Variants in PLEKHM1 observed in about 807,000 individuals in gnomAD.
The protein encoded by PLEKHM1 is pleckstrin homology and RUN domain containing M1.
A neutral mutation model predicts 94.3 loss-of-function variants in PLEKHM1; 28 were observed. The observed-to-expected ratio is 0.30, with a 90% CI of 0.22 to 0.41. The LOEUF (loss-of-function observed/expected upper bound fraction) is 0.41, where lower values mean the gene tolerates loss of function less well. Among genes scored for constraint, PLEKHM1 ranks in the 10% least tolerant of loss-of-function variants. The pLI is 1.00. For synonymous variants in PLEKHM1, 424 were observed against 581.2 expected, an observed-to-expected ratio of 0.73 and a Z score of 3.89; for missense variants, 907 against 1,358.6, an observed-to-expected ratio of 0.67 and a Z score of 5.22.
chr17:45,439,276 C>G (rs1459638454), intron 11 of PLEKHM1, among the ~76,000 whole-genome samples: 1 of 152,234 alleles, frequency 6.6e-6, no homozygotes, highest in Non-Finnish European at 1.5e-5. Context: ...TGTCTTGTCC[C>G]CTGAGCTGGA....
At chr17:45,466,229 A>C (rs1232641926) in intron 5 of PLEKHM1, among the ~76,000 whole-genome samples, 2 of 152,212 alleles carry the variant, frequency 1.3e-5, no homozygotes, top group Non-Finnish European at 2.9e-5. Flanking sequence ...TTGACTTCTA[A>C]CACCACACAC....
Position 45,477,916 on chromosome 17 carries a change from T to C in PLEKHM1, c.280A>G (p.Lys94Glu). The change falls in exon 3 of 12, where the codon AAA becomes GAA. Residue 94 changes from lysine (K) to glutamate (E), a missense_variant. By Grantham distance (56) the Lys-to-Glu change is moderately conservative (BLOSUM62 1). Transcript: ENST00000430334. ...LPQPVFWPLL[K>E]AVTHKHIISE... ...AAATCTCACTTGTGGGTGACAGCTT[T>C]CAGGAGGGGCCAGAAGACAGGCTGG... is the stretch of plus-strand genomic sequence containing the variant. 6.2e-7 allele frequency: 1 copy of C among 1,614,022 alleles called. No individual in the cohort carries two copies. The highest frequency in any genetic ancestry group is 8.5e-7 in the Non-Finnish European group (1 of 1,179,984).
At position 45,453,985 on chromosome 17, in the gene PLEKHM1, C is replaced by A; in HGVS notation, c.1867G>T (p.Ala623Ser). The A allele has an allele frequency of 6.2e-7, 1 of 1,613,974 alleles. No individual in the cohort carries two copies. The highest frequency in any genetic ancestry group is 8.5e-7 in the Non-Finnish European group (1 of 1,179,882). ...AEDWLDRVREALQKVRPQQED... is the reference protein window; with the variant it reads ...AEDWLDRVRESLQKVRPQQED... ...TGCTGAGGCCGGACCTTCTGCAGGG[C>A]CTCCCGCACCCGGTCCAGCCAGTCC... The change falls in exon 7 of 12, where the codon GCC (alanine) becomes TCC (serine). Residue 623 changes from alanine to serine, a missense_variant. Ala to Ser is a moderately conservative substitution (Grantham distance 99, BLOSUM62 1). Coordinates refer to ENST00000430334, the MANE Select transcript of PLEKHM1 (RefSeq NM_014798.3). This position sits in a 1 kb window ranked among gnomAD's most constrained non-coding sequence, Gnocchi z 4.1.
At chr17:45,473,647 C>T (rs1165872813) in intron 4 of PLEKHM1, among the ~76,000 whole-genome samples, 5 of 151,992 alleles carry the variant, frequency 3.3e-5, no homozygotes, top group Non-Finnish European at 5.9e-5. Flanking sequence ...CAAGCTCCGC[C>T]TCCTGGGTCC....
chr17:45,441,204 C>G (rs2050436246), intron 9 of PLEKHM1: 1 of 152,210 alleles, frequency 6.6e-6, no homozygotes, highest in Non-Finnish European at 1.5e-5. Flanking sequence ...TGCTTGGGAA[C>G]CTGCCCCAGG....
At position 45,468,536 on chromosome 17, in the gene PLEKHM1, G is replaced by C; in HGVS notation, c.981C>G (p.Ser327Arg). The C allele has an allele frequency of 6.2e-7, 1 of 1,614,186 alleles. No homozygotes were observed. Among genetic ancestry groups the C allele is most frequent in the Non-Finnish European group, 8.5e-7 (1 of 1,180,020 alleles). The change falls in exon 5 of 12, where the codon AGC (serine) becomes AGG (arginine). Residue 327 changes from serine (S) to arginine (R), a missense_variant. Physicochemically the swap from Ser to Arg is moderately radical, Grantham distance 110 (BLOSUM62 -1). This residue lies in a region of PLEKHM1 where 477 missense variants were observed against 601.5 expected (regional missense o/e 0.79). Coordinates refer to ENST00000430334, the MANE Select transcript of PLEKHM1 (RefSeq NM_014798.3). ...QVNSVPTNGL[S>R]QETEIPTPQA... ...GTGGTGTGGGGATCTCTGTTTCTTGGCTCAGTCCGTTGGTTGGCACAGAGT... is the reference window on the plus strand; with the variant it reads ...GTGGTGTGGGGATCTCTGTTTCTTGCCTCAGTCCGTTGGTTGGCACAGAGT...
downstream of PLEKHM1, among the ~76,000 whole-genome samples, chr17:45,434,836 A>G (rs1434085648): frequency 6.6e-6 from 1 of 151,744 alleles, no homozygotes. Flanking sequence ...CAGAGAGAAG[A>G]GGAAAAGGGG....
rs1315848442 is a variant in PLEKHM1 at position 45,435,998 on chromosome 17, G to A, written c.*1860C>T. The A allele has an allele frequency of 2.2e-6, 1 of 456,682 alleles. No individual in the cohort carries two copies. Among genetic ancestry groups the A allele is most frequent in the Non-Finnish European group, 4.4e-6 (1 of 226,980 alleles). 28.3% of individuals were successfully genotyped at this position (456,682 alleles called of 1,614,324 possible). On this transcript the variant is annotated 3_prime_UTR_variant, in exon 12 of 12. Transcript: ENST00000430334. ...AAAGACTCCTCAGGGCCAGAGCCCTGCTCACTAGGAACAGTGTATTGCATA... is the reference window on the plus strand; with the variant it reads ...AAAGACTCCTCAGGGCCAGAGCCCTACTCACTAGGAACAGTGTATTGCATA...
chr17:45,487,251 C>T (rs1263127299), intron 1 of PLEKHM1, among the ~76,000 whole-genome samples: 1 of 152,146 alleles, frequency 6.6e-6, no homozygotes, highest in Non-Finnish European at 1.5e-5. Context: ...CCCTCTCTAA[C>T]CTCATTTAAT....
chr17:45,468,085 C>T, intron 5 of PLEKHM1, 124 bp downstream of exon 5: 5 of 1,037,636 alleles, frequency 4.8e-6, no homozygotes, highest in Non-Finnish European at 1.5e-6. Context: ...TTAACACTAT[C>T]ACTATGCAGG....
rs769001956 is a variant in PLEKHM1, at chr17:45,490,693, G to C, written c.-83C>G. ...CGAGGCGAGGGGCGCTCCCGGCCGC[G>C]GCAGCCCCTCAGCCTCCGAGCCGAC... On this transcript the variant is annotated 5_prime_UTR_variant, in exon 1 of 12. Coordinates refer to ENST00000430334, the MANE Select transcript of PLEKHM1 (RefSeq NM_014798.3). 219 of 450,592 alleles carry C rather than the reference G, an allele frequency of 4.9e-4. No homozygotes were observed. Among genetic ancestry groups the C allele is most frequent in the Non-Finnish European group, 8.1e-4 (183 of 224,698 alleles). 27.9% of individuals were successfully genotyped at this position (450,592 alleles called of 1,614,324 possible). A position where few individuals can be genotyped will look rare whatever the true frequency, so the allele number is the denominator to read the frequency against.
At chr17:45,456,999 G>A (rs2050971232) in intron 6 of PLEKHM1, among the ~76,000 whole-genome samples, 1 of 151,838 alleles carries the variant, frequency 6.6e-6, no homozygotes, top group African/African-American at 2.4e-5. Flanking sequence ...TGGCCAACAT[G>A]GCAAAATCCT....
rs754982329 is a variant in PLEKHM1 at position 45,444,648 on chromosome 17, T to C, written c.2837+822A>G. On this transcript the variant is annotated intron_variant, in intron 9 of 11. Transcript: ENST00000430334. The surrounding 1 kb of genome is among the most constrained non-coding windows in gnomAD (Gnocchi z 5.0). ...TCCTCACTGTAGCCAAAGTTCTCCC[T>C]GGGCTTTCCACCAACGGTGCCTTCG... 6.6e-6 allele frequency among the ~76,000 whole-genome samples: 1 copy of C among 152,338 alleles called. No homozygotes were observed. The highest frequency in any genetic ancestry group is 2.1e-4 in the South Asian group (1 of 4,828).
intron 8 of PLEKHM1, among the ~76,000 whole-genome samples, chr17:45,446,751 A>G (rs1271888136): frequency 1.3e-5 from 2 of 152,264 alleles, no homozygotes; most frequent in Non-Finnish European, 2.9e-5. Context: ...TGTCGTATCC[A>G]GCAACCTTTT....
intron 8 of PLEKHM1, 47 bp downstream of exon 8, chr17:45,450,571 A>G: frequency 6.2e-7 from 1 of 1,608,146 alleles, no homozygotes; most frequent in South Asian, 1.1e-5. Context: ...AGAGGAGTGA[A>G]CACCCCTCTG....
Position 45,440,327 on chromosome 17 carries a change from A to AC in PLEKHM1, c.2838-102dup, listed in dbSNP as rs554496049. On this transcript the variant is annotated intron_variant, in intron 9 of 11. Transcript: ENST00000430334. Reference sequence around the variant, plus strand: ...CCCTGGCGCTGCTCACCAGGCAGACACCCCCCGCCTGGGCGGGGCAGGGGC... The same window carrying AC: ...CCCTGGCGCTGCTCACCAGGCAGACACCCCCCCGCCTGGGCGGGGCAGGGGC... 111 of 1,202,362 alleles carry AC rather than the reference A, an allele frequency of 9.2e-5. No individual in the cohort carries two copies. The East Asian group carries it at 2.2e-3, about 23-fold the overall frequency. 74.5% of individuals were successfully genotyped at this position (1,202,362 alleles called of 1,614,324 possible). A position where few individuals can be genotyped will look rare whatever the true frequency, so the allele number is the denominator to read the frequency against.
In PLEKHM1 at chr17:45,437,844, T is replaced by C; in HGVS notation, c.*14A>G. The C allele has an allele frequency of 6.2e-7, 1 of 1,602,722 alleles. No homozygotes were observed. The highest frequency in any genetic ancestry group is 8.5e-7 in the Non-Finnish European group (1 of 1,169,932). On this transcript the variant is annotated 3_prime_UTR_variant, in exon 12 of 12. Transcript: ENST00000430334. This position sits in a 1 kb window ranked among gnomAD's most constrained non-coding sequence, Gnocchi z 4.0. ...CTCACCCCCGGCTTTCAGAGCGGGG[T>C]CAGCAGATGGGCATCAGGCGAAAAT...
chr17:45,471,955 C>A (rs908434914), intron 4 of PLEKHM1, among the ~76,000 whole-genome samples: 1 of 152,144 alleles, frequency 6.6e-6, no homozygotes, highest in African/African-American at 2.4e-5. Flanking sequence ...AGTCAATTCA[C>A]TAGGCCAACT....
chr17:45,434,475 C>T (rs966762143), downstream of PLEKHM1: 3 of 152,188 alleles, frequency 2.0e-5, no homozygotes, highest in African/African-American at 7.2e-5. Flanking sequence ...AAGACAGAGT[C>T]TCACTCTGTC....
Sources: gnomAD v4.1 joint callset for allele counts (sites outside exome capture counted in the v4.1 genomes callset) on GRCh38, gnomAD v4.1.1 for gene constraint, gnomAD v4.1.1 regional missense constraint, Gnocchi (gnomAD v3.1) non-coding constraint, MANE v1.5 for transcripts, NCBI Gene and HGNC (gene_info 2026-07-23, HGNC 2026-07-21) for gene names.